Variants in ZNF514 observed in about 807,000 individuals in gnomAD.
ZNF514 encodes zinc finger protein 514.
A neutral mutation model predicts 9.7 loss-of-function variants in ZNF514; 12 were observed. The ratio of observed to expected loss-of-function variants is 1.24; its 90% CI spans 0.79 to 2.01. ZNF514 has a LOEUF of 2.01. Among genes scored for constraint, ZNF514 ranks in the 30% most tolerant of loss-of-function variants. ZNF514 has a pLI of 0.00. For synonymous variants in ZNF514, 158 were observed against 163.7 expected (o/e 0.97, Z 0.27); for missense variants, 467 against 465.5 (o/e 1.00, Z -0.03).
the ZNF514 span, among the ~76,000 whole-genome samples, chr2:95,124,448 T>G: frequency 6.6e-6 from 1 of 152,214 alleles, no homozygotes; most frequent in Non-Finnish European, 1.5e-5. Context: ...ATTCACCCAT[T>G]GTAGGACATT....
At chr2:95,133,685 A>G in the ZNF514 span, among the ~76,000 whole-genome samples, 5 of 152,362 alleles carry the variant, frequency 3.3e-5, no homozygotes, top group East Asian at 9.6e-4. Flanking sequence ...AACAACTACT[A>G]CATAGCATTT....
In ZNF514 at chr2:95,149,874, C is replaced by T. The variant is rs774004947; in HGVS notation, c.611G>A (p.Cys204Tyr). ...GGACTTCCCACACTCATTACATTTA[C>T]AAGATTTCTTTTCTGGGTGGGTTCT... The part of the protein sequence containing the change: ...SQRTHPEKKS[C>Y]KCNECGKSFH... The change falls in exon 5 of 5, where the codon TGT (cysteine) becomes TAT (tyrosine). Residue 204 changes from cysteine (C) to tyrosine (Y), a missense_variant. Cys to Tyr is a radical substitution (Grantham distance 194). Transcript: ENST00000295208. The T allele has an allele frequency of 4.3e-6, 7 of 1,614,096 alleles. No homozygotes were observed. The African/African-American group carries it at 9.3e-5, about 22-fold the overall frequency.
the ZNF514 span, among the ~76,000 whole-genome samples, chr2:95,126,041 T>C: frequency 6.6e-6 from 1 of 152,096 alleles, no homozygotes; most frequent in South Asian, 2.1e-4. Context: ...AGCTGTGAGA[T>C]TATTAGATTG....
rs1235963356 is a variant in ZNF514 at position 95,146,010 on chromosome 2, C to T, written c.*3272G>A. On this transcript the variant is annotated 3_prime_UTR_variant, in exon 5 of 5. Coordinates refer to ENST00000295208, the MANE Select transcript of ZNF514 (RefSeq NM_032788.3). ...TGTGTCAGACTTGTTTCTTATCAGA[C>T]TTAAATCTATTTTGGCGTAAAACAC... Among the ~76,000 whole-genome samples, 1 of 152,142 alleles carries T rather than the reference C, an allele frequency of 6.6e-6. No homozygotes were observed. Among genetic ancestry groups the T allele is most frequent in the East Asian group, 1.9e-4 (1 of 5,184 alleles).
intron 2 of ZNF514, chr2:95,155,827 C>G (rs1183016870): frequency 6.6e-6 from 1 of 152,198 alleles, no homozygotes; most frequent in African/African-American, 2.4e-5. Flanking sequence ...GCCACATGTG[C>G]CGCTTCTGAG....
chr2:95,154,221 T>C (rs1206968360), intron 2 of ZNF514: 3 of 152,260 alleles, frequency 2.0e-5, no homozygotes, highest in African/African-American at 7.2e-5. Flanking sequence ...GGTTCTGCAA[T>C]TGTCCTTTCC....
chr2:95,126,368 T>C, the ZNF514 span, among the ~76,000 whole-genome samples: 1 of 12,902 alleles, frequency 7.8e-5, no homozygotes, highest in Non-Finnish European at 1.1e-4. Context: ...TGAAACTCCA[T>C]CTCAAAAAAA....
the ZNF514 span, among the ~76,000 whole-genome samples, chr2:95,132,819 G>T: frequency 1.5e-5 from 2 of 129,482 alleles, no homozygotes; most frequent in African/African-American, 5.9e-5. Context: ...AGTGAGCTGA[G>T]ATCATGCCAC....
chr2:95,159,118 T>C lies in ZNF514; in HGVS notation c.-96+122A>G, dbSNP rs1277741883. 3.1e-6 allele frequency: 3 copies of C among 966,018 alleles called. No homozygotes were observed. In the East Asian group the frequency reaches 2.1e-4, roughly 67 times the overall value. 59.8% of individuals were successfully genotyped at this position (966,018 alleles called of 1,614,324 possible). A position where few individuals can be genotyped will look rare whatever the true frequency, so the allele number is the denominator to read the frequency against. ...CCTGGGGGACACGGGGCATCCCCAC[T>C]AGGCGCGGCGGGGCCAGCGGACCTG... On this transcript the variant is annotated intron_variant, in intron 1 of 4. Transcript: ENST00000295208.
Position 95,145,892 on chromosome 2 carries a change from C to G in ZNF514, c.*3390G>C, listed in dbSNP as rs76878004. Reference sequence around the variant, plus strand: ...TTCCTACAAGATAAATCCTCACTCCCGTGTTTGGTAATGTCCTCTTTAGGC... The same window carrying G: ...TTCCTACAAGATAAATCCTCACTCCGGTGTTTGGTAATGTCCTCTTTAGGC... On this transcript the variant is annotated 3_prime_UTR_variant, in exon 5 of 5. Coordinates refer to ENST00000295208, the MANE Select transcript of ZNF514 (RefSeq NM_032788.3). Among the ~76,000 whole-genome samples, 3 of 152,218 alleles carry G rather than the reference C, an allele frequency of 2.0e-5. No homozygotes were observed. The highest frequency in any genetic ancestry group is 7.2e-5 in the African/African-American group (3 of 41,452).
At chr2:95,124,287 A>G in the ZNF514 span, among the ~76,000 whole-genome samples, 1 of 152,184 alleles carries the variant, frequency 6.6e-6, no homozygotes, top group Non-Finnish European at 1.5e-5. Flanking sequence ...AGAACATTAT[A>G]TAAATGGAAT....
downstream of ZNF514, among the ~76,000 whole-genome samples, chr2:95,142,832 C>A (rs865910566): frequency 2.6e-4 from 39 of 152,190 alleles, no homozygotes; most frequent in Admixed American, 2.6e-3. Flanking sequence ...CTAACTCTGG[C>A]CGAAGTTATG....
intron 1 of ZNF514, 85 bp downstream of exon 1, chr2:95,159,155 G>T: frequency 3.8e-6 from 2 of 528,938 alleles, no homozygotes; most frequent in Non-Finnish European, 5.3e-6. Context: ...AGGGCCCAGA[G>T]CAGGGCCGGC....
At chr2:95,157,153 G>C (rs555011448) in intron 2 of ZNF514, among the ~76,000 whole-genome samples, 198 bp downstream of exon 2, 15 of 152,248 alleles carry the variant, frequency 9.9e-5, no homozygotes, top group Middle Eastern at 3.4e-3. Context: ...AAGCCCAAAC[G>C]ATCTGAGTGG....
Position 95,149,372 on chromosome 2 carries a change from G to C in ZNF514, c.1113C>G (p.Pro371=). The part of the protein sequence containing the change: ...QHYRFHTGEK[P]YKCNECGRAF... ...CCCTTCCACACTCATTACATTTGTA[G>C]GGTTTCTCTCCAGTGTGAAATCTGT... The change falls in exon 5 of 5, where the codon CCC becomes CCG. Residue 371 remains proline, a synonymous_variant. Transcript: ENST00000295208. The C allele has an allele frequency of 1.9e-6, 3 of 1,614,078 alleles. No homozygotes were observed. The highest frequency in any genetic ancestry group is 2.5e-6 in the Non-Finnish European group (3 of 1,179,982).
intron 4 of ZNF514, 152 bp from the exon 5 acceptor site, chr2:95,150,419 G>A: frequency 1.2e-6 from 1 of 845,916 alleles, no homozygotes; most frequent in South Asian, 2.1e-5. Context: ...AATGGCTTAT[G>A]TCTGAAGATG....
the ZNF514 span, among the ~76,000 whole-genome samples, chr2:95,126,239 C>T: frequency 2.0e-5 from 3 of 151,640 alleles, no homozygotes; most frequent in African/African-American, 4.8e-5. Context: ...GGTGTAGTGG[C>T]GCACACTTGT....
At chr2:95,154,401 G>A (rs1673626277) in intron 2 of ZNF514, 1 of 152,262 alleles carries the variant, frequency 6.6e-6, no homozygotes. Context: ...GGTACTCACA[G>A]TGGAGTTCTG....
At chr2:95,144,801 C>A (rs1673321128), downstream of ZNF514, among the ~76,000 whole-genome samples, 1 of 152,066 alleles carries the variant, frequency 6.6e-6, no homozygotes, top group Non-Finnish European at 1.5e-5. Flanking sequence ...GAAGTGAGGG[C>A]AGTCTTGTGG....
Sources: allele counts gnomAD v4.1 joint callset (sites outside exome capture counted in the v4.1 genomes callset), GRCh38; gene constraint gnomAD v4.1.1; transcripts MANE v1.5; gene names NCBI Gene and HGNC (gene_info 2026-07-23, HGNC 2026-07-21).